The following TNS1 variants were observed in gnomAD, a reference collection of about 807,000 sequenced individuals.
TNS1 encodes tensin-1.
In TNS1, 62 loss-of-function variants were observed where a neutral mutation model predicts 168.6. That is an observed-to-expected ratio of 0.37 (90% CI 0.30 to 0.45). TNS1 has a LOEUF of 0.45. TNS1 is among the 20% of genes least tolerant of loss of function. The pLI is 1.00. For synonymous variants in TNS1, 934 were observed against 933.2 expected, an observed-to-expected ratio of 1.00 and a Z score of -0.02; for missense variants, 2,240 against 2,339.4, an observed-to-expected ratio of 0.96 and a Z score of 0.88.
chr2:217,838,177 T>G (rs1400000362), intron 19 of TNS1, among the ~76,000 whole-genome samples: 1 of 152,228 alleles, frequency 6.6e-6, no homozygotes, highest in Non-Finnish European at 1.5e-5. Flanking sequence ...TTCTGGCAGA[T>G]CCCTCTGCCT....
intron 2 of TNS1, among the ~76,000 whole-genome samples, chr2:217,984,572 C>T (rs1435736810): frequency 6.6e-6 from 1 of 152,080 alleles, no homozygotes; most frequent in Non-Finnish European, 1.5e-5. Context: ...ACTGCAGCCT[C>T]GACCTCCCCA....
rs556060590 is a variant in TNS1 at position 217,995,542 on chromosome 2, G to C, written c.34-4486C>G. Among the ~76,000 whole-genome samples the C allele has an allele frequency of 6.6e-6, 1 of 152,284 alleles. No individual in the cohort carries two copies. The highest frequency in any genetic ancestry group is 2.1e-4 in the South Asian group (1 of 4,828). On this transcript the variant is annotated intron_variant, in intron 1 of 32. Coordinates refer to ENST00000682258, the MANE Select transcript of TNS1 (RefSeq NM_001387777.1). The surrounding 1 kb of genome is among the most constrained non-coding windows in gnomAD (Gnocchi z 4.1). The stretch of plus-strand genomic sequence containing the variant: ...GCCCTCCCCCCGGGTTGTTCTGCAG[G>C]TACAGGCAGAGGATGTAAACAAGCC...
chr2:217,853,349 G>C (rs1439857380), intron 18 of TNS1, among the ~76,000 whole-genome samples: 1 of 152,172 alleles, frequency 6.6e-6, no homozygotes, highest in East Asian at 1.9e-4. Flanking sequence ...GCCACAAAGG[G>C]AGTGATCAGT....
chr2:217,859,496 G>T (rs1948579661), intron 18 of TNS1: 5 of 687,446 alleles, frequency 7.3e-6, no homozygotes, highest in Non-Finnish European at 7.7e-6. Flanking sequence ...AAGGACTGGG[G>T]TGTCACCCAG....
chr2:217,912,247 G>C (rs925606492), intron 4 of TNS1, among the ~76,000 whole-genome samples: 10 of 152,238 alleles, frequency 6.6e-5, no homozygotes, highest in Admixed American at 2.6e-4. Context: ...TGCTGTTTTA[G>C]AGGAAGGAAA....
intron 1 of TNS1, among the ~76,000 whole-genome samples, chr2:217,998,508 C>T (rs1267854990): frequency 6.6e-6 from 1 of 152,158 alleles, no homozygotes; most frequent in Non-Finnish European, 1.5e-5. Context: ...TTCCCAGGGC[C>T]TTTCCTCCAT....
upstream of TNS1, among the ~76,000 whole-genome samples, chr2:218,006,108 G>A (rs371022978): frequency 3.5e-3 from 528 of 152,288 alleles, 4 homozygotes; most frequent in African/African-American, 0.012. Flanking sequence ...CGCTGCATGC[G>A]GAGACCTCCC....
intron 4 of TNS1, among the ~76,000 whole-genome samples, chr2:217,917,854 G>T (rs1955234473): frequency 1.7e-5 from 2 of 114,458 alleles, no homozygotes. Context: ...AAAAAGACTT[G>T]CGACTGGGGG....
intron 17 of TNS1, 183 bp downstream of exon 17, chr2:217,882,163 A>C: frequency 1.9e-6 from 1 of 536,392 alleles, no homozygotes. Flanking sequence ...TTTATTATCC[A>C]GAGATTAAGT....
At chr2:217,828,094 C>G (rs1180125475) in intron 22 of TNS1, among the ~76,000 whole-genome samples, 1 of 152,220 alleles carries the variant, frequency 6.6e-6, no homozygotes, top group Admixed American at 6.5e-5. Context: ...CCAGCTCCTG[C>G]CTTGCCAGGA....
At chr2:217,929,278 G>T (rs185437166) in intron 3 of TNS1, among the ~76,000 whole-genome samples, 28 of 152,284 alleles carry the variant, frequency 1.8e-4, no homozygotes, top group African/African-American at 6.7e-4. Flanking sequence ...CAAGGGTCCC[G>T]GCTCAGGGGC....
intron 8 of TNS1, among the ~76,000 whole-genome samples, chr2:217,895,777 G>A (rs372036839): frequency 5.9e-5 from 9 of 152,236 alleles, no homozygotes; most frequent in East Asian, 3.9e-4. Flanking sequence ...CTCTACCTCC[G>A]AGGGGGGCAT....
chr2:217,854,924 A>AT (rs1401418416), intron 18 of TNS1, among the ~76,000 whole-genome samples: 3 of 152,316 alleles, frequency 2.0e-5, no homozygotes, highest in East Asian at 3.9e-4. Flanking sequence ...CTTAATGGCC[A>AT]TATCAGCTTG....
In TNS1 at chr2:218,032,516, AT is replaced by A; in HGVS notation, c.156+1303del. On this transcript the variant is annotated intron_variant, in intron 1 of 1. Coordinates refer to the TNS1 transcript ENST00000649572. This position sits in a 1 kb window ranked among gnomAD's most constrained non-coding sequence, Gnocchi z 4.0. ...GCCTACGGCAGGGCCTGGGGCAGGA[AT>A]GGGGGGTGTGTCTGCAGCAGGACTG... 6.6e-6 allele frequency among the ~76,000 whole-genome samples: 1 copy of A among 152,124 alleles called. No individual in the cohort carries two copies. Among genetic ancestry groups the A allele is most frequent in the Admixed American group, 6.5e-5 (1 of 15,278 alleles).
intron 4 of TNS1, among the ~76,000 whole-genome samples, chr2:217,913,858 A>G (rs1954703210): frequency 6.6e-6 from 1 of 151,906 alleles, no homozygotes; most frequent in Admixed American, 6.6e-5. Context: ...CCATTCCTGC[A>G]CCCACACTGC....
intron 3 of TNS1, 163 bp downstream of exon 3, chr2:217,978,602 G>T: frequency 4.6e-6 from 1 of 215,756 alleles, no homozygotes; most frequent in Non-Finnish European, 8.5e-6. Context: ...CCTTCACCTT[G>T]ACCTGCGCCC....
At chr2:217,852,276 T>G (rs1947610585) in intron 18 of TNS1, among the ~76,000 whole-genome samples, 1 of 152,178 alleles carries the variant, frequency 6.6e-6, no homozygotes, top group Non-Finnish European at 1.5e-5. Context: ...GGCCGAAATC[T>G]GAAGAGCTGG....
At chr2:217,943,644 G>A (rs1378862154) in intron 3 of TNS1, among the ~76,000 whole-genome samples, 1 of 152,196 alleles carries the variant, frequency 6.6e-6, no homozygotes, top group African/African-American at 2.4e-5. Context: ...AACATCTGAA[G>A]ACAGGGGACT....
At chr2:217,866,427 C>T (rs772845153) in intron 18 of TNS1, among the ~76,000 whole-genome samples, 3 of 152,092 alleles carry the variant, frequency 2.0e-5, no homozygotes, top group East Asian at 1.9e-4. Context: ...TGGACCTGCC[C>T]GGGTGGCTTC....
Sources: allele counts gnomAD v4.1 joint callset (sites outside exome capture counted in the v4.1 genomes callset), GRCh38; gene constraint gnomAD v4.1.1; non-coding constraint Gnocchi (gnomAD v3.1); transcripts MANE v1.5; gene names NCBI Gene and HGNC (gene_info 2026-07-23, HGNC 2026-07-21).